KATNAL1: variants seen among roughly 807,000 people sequenced by gnomAD.
KATNAL1 encodes the protein katanin catalytic subunit A1 like 1.
A neutral mutation model predicts 55.2 loss-of-function variants in KATNAL1; 32 were observed. The observed-to-expected ratio is 0.58, with a 90% CI of 0.44 to 0.78. The LOEUF (loss-of-function observed/expected upper bound fraction) is 0.78, where lower values mean the gene tolerates loss of function less well. KATNAL1 is among the 30% of genes least tolerant of loss of function. The pLI, the probability that KATNAL1 is intolerant of heterozygous loss-of-function variation, is 0.00. For missense variants in KATNAL1, 466 were observed against 600.9 expected, an observed-to-expected ratio of 0.78 and a Z score of 2.35; for synonymous variants, 193 against 193.6, an observed-to-expected ratio of 1.00 and a Z score of 0.02.
chr13:30,249,634 GAATA>G lies in KATNAL1; in HGVS notation c.492+5809_492+5812del, dbSNP rs146816870. The stretch of plus-strand genomic sequence containing the variant: ...TGAACAAAAAAAGCTGGACACAAAA[GAATA>G]CTTACTGTACATAAAGTTCCAAAAT... On this transcript the variant is annotated intron_variant, in intron 4 of 10. Coordinates refer to ENST00000380615, the MANE Select transcript of KATNAL1 (RefSeq NM_032116.5). Among the ~76,000 whole-genome samples, 650 of 152,138 alleles carry G rather than the reference GAATA, an allele frequency of 4.3e-3. 4 individuals carry two copies. The highest frequency in any genetic ancestry group is 0.015 in the African/African-American group (624 of 41,500).
At chr13:30,214,217 G>A (rs1472950368) in intron 9 of KATNAL1, among the ~76,000 whole-genome samples, 1 of 152,140 alleles carries the variant, frequency 6.6e-6, no homozygotes, top group Non-Finnish European at 1.5e-5. Flanking sequence ...ACTTACAAGG[G>A]ACATGAAGGA....
chr13:30,210,283 A>G lies in KATNAL1; in HGVS notation c.1274+33T>C, dbSNP rs56120845. 2.4e-3 allele frequency: 3,818 copies of G among 1,559,234 alleles called. 91 individuals carry two copies. The African/African-American group carries it at 0.047, about 19-fold the overall frequency. Reference sequence around the variant, plus strand: ...CAGTCCTCCTGCGAAGTCTATAACTAATGTCTAAAATCACAGATCATTAAA... The same window carrying G: ...CAGTCCTCCTGCGAAGTCTATAACTGATGTCTAAAATCACAGATCATTAAA... On this transcript the variant is annotated intron_variant, in intron 10 of 10. Transcript: ENST00000380615.
chr13:30,224,627 G>C (rs959715626), intron 9 of KATNAL1, among the ~76,000 whole-genome samples: 1 of 150,224 alleles, frequency 6.7e-6, no homozygotes, highest in Non-Finnish European at 1.5e-5. Flanking sequence ...AAAGTGTAAA[G>C]CAAAAAAAAA....
rs2137394899 is a variant in KATNAL1 at position 30,230,384 on chromosome 13, G to A, written c.1012+84C>T. On this transcript the variant is annotated intron_variant, in intron 8 of 10. Transcript: ENST00000380615. ...ATGAACAAATAATTAAACTCAGGCT[G>A]CCTTCTAATCCATCCATTGATTATG... 4.1e-6 allele frequency: 5 copies of A among 1,211,588 alleles called. No homozygotes were observed. In the South Asian group the frequency reaches 5.0e-5, roughly 12 times the overall value. 75.1% of individuals were successfully genotyped at this position (1,211,588 alleles called of 1,614,324 possible). A position where few individuals can be genotyped will look rare whatever the true frequency, so the allele number is the denominator to read the frequency against.
At position 30,227,423 on chromosome 13, in the gene KATNAL1, G is replaced by A; in HGVS notation, c.1136C>T (p.Pro379Leu). The change falls in exon 9 of 11, where the codon CCT becomes CTT. Residue 379 changes from proline to leucine, a missense_variant. Pro to Leu is a moderately conservative substitution (Grantham distance 98, BLOSUM62 -3). Around this residue, in one of 3 missense-constraint regions of KATNAL1, gnomAD observed 213 missense variants for 308.6 expected, o/e 0.69. Coordinates refer to ENST00000380615, the MANE Select transcript of KATNAL1 (RefSeq NM_032116.5). Reference protein sequence around the residue: ...RRRLEKRIYIPLPTAKGRAEL... With the variant: ...RRRLEKRIYILLPTAKGRAEL... ...AGAAGACATCATACCTGTTGGGAGA[G>A]GTATATATATCCTTTTTTCTAACCT... 6.2e-7 allele frequency: 1 copy of A among 1,613,642 alleles called. No individual in the cohort carries two copies. Among genetic ancestry groups the A allele is most frequent in the African/African-American group, 1.3e-5 (1 of 75,018 alleles).
At chr13:30,251,321 A>C (rs1390221760) in intron 4 of KATNAL1, among the ~76,000 whole-genome samples, 1 of 152,150 alleles carries the variant, frequency 6.6e-6, no homozygotes, top group Non-Finnish European at 1.5e-5. Flanking sequence ...AATAATAATA[A>C]ATCCGATTTT....
At chr13:30,222,708 GA>G (rs1830638311) in intron 9 of KATNAL1, among the ~76,000 whole-genome samples, 1 of 152,188 alleles carries the variant, frequency 6.6e-6, no homozygotes, top group African/African-American at 2.4e-5. Context: ...GGGGTACAGA[GA>G]AACAAACAGT....
At chr13:30,257,525 T>G (rs1262879158) in intron 3 of KATNAL1, among the ~76,000 whole-genome samples, 3 of 152,104 alleles carry the variant, frequency 2.0e-5, no homozygotes, top group Non-Finnish European at 2.9e-5. Flanking sequence ...CTGCTCAGGG[T>G]GCACTGCAGC....
At chr13:30,290,037 C>T (rs750039374) in intron 1 of KATNAL1, among the ~76,000 whole-genome samples, 4 of 152,112 alleles carry the variant, frequency 2.6e-5, no homozygotes, top group Non-Finnish European at 5.9e-5. Context: ...TATAAAAATG[C>T]AAAAATCATT....
At chr13:30,249,378 C>T (rs1166161098) in intron 4 of KATNAL1, among the ~76,000 whole-genome samples, 2 of 152,178 alleles carry the variant, frequency 1.3e-5, no homozygotes, top group East Asian at 3.8e-4. Flanking sequence ...TATCCTATGA[C>T]CCAGCAGTTC....
intron 9 of KATNAL1, among the ~76,000 whole-genome samples, chr13:30,217,419 A>G (rs908302017): frequency 2.0e-5 from 3 of 152,190 alleles, no homozygotes; most frequent in Admixed American, 6.5e-5. Flanking sequence ...GCGCCACTGC[A>G]CTCCAGCCTG....
chr13:30,266,428 A>C (rs1404945386), intron 3 of KATNAL1, among the ~76,000 whole-genome samples: 1 of 152,232 alleles, frequency 6.6e-6, no homozygotes, highest in Non-Finnish European at 1.5e-5. Flanking sequence ...TGCCTTACTT[A>C]GTAAAGCATA....
chr13:30,274,891 A>ACGCGCGCGCGCGTGCGCGCGCG (rs371121115), intron 3 of KATNAL1, among the ~76,000 whole-genome samples: 10 of 122,120 alleles, frequency 8.2e-5, no homozygotes, highest in Admixed American at 1.7e-4. Flanking sequence ...GCACACACAT[A>ACGCGCGCGCGCGTGCGCGCGCG]CGCGCGCGCG....
chr13:30,226,259 T>C (rs1254717979), intron 9 of KATNAL1, among the ~76,000 whole-genome samples: 2 of 152,178 alleles, frequency 1.3e-5, no homozygotes, highest in African/African-American at 4.8e-5. Context: ...CTATGACCCA[T>C]CTTTTCTTTT....
intron 9 of KATNAL1, among the ~76,000 whole-genome samples, chr13:30,226,870 G>A (rs1875529379): frequency 6.6e-6 from 1 of 152,144 alleles, no homozygotes; most frequent in Non-Finnish European, 1.5e-5. Context: ...GAAGCCAGGA[G>A]TTCAAGACCA....
chr13:30,227,298 A>T, intron 9 of KATNAL1, 114 bp downstream of exon 9: 1 of 957,520 alleles, frequency 1.0e-6, no homozygotes, highest in Non-Finnish European at 1.5e-6. Context: ...ACTACAAATT[A>T]ATTTTGTGAT....
chr13:30,274,944 C>CACAT (rs1428700083), intron 3 of KATNAL1, among the ~76,000 whole-genome samples: 1 of 150,344 alleles, frequency 6.7e-6, no homozygotes, highest in Non-Finnish European at 1.5e-5. Context: ...CACACACACA[C>CACAT]ACACACACAG....
chr13:30,219,499 C>T (rs1439739881), intron 9 of KATNAL1, among the ~76,000 whole-genome samples: 1 of 152,226 alleles, frequency 6.6e-6, no homozygotes, highest in African/African-American at 2.4e-5. Flanking sequence ...CACTGTTTTA[C>T]TGCAGTTAGG....
rs374076915 is a variant in KATNAL1 at position 30,261,242 on chromosome 13, C to T, written c.324-5627G>A. 4.8e-3 allele frequency among the ~76,000 whole-genome samples: 725 copies of T among 152,044 alleles called. 3 individuals are homozygous for T. The highest frequency in any genetic ancestry group is 0.025 in the South Asian group (121 of 4,798). The stretch of plus-strand genomic sequence containing the variant: ...AGCACTAAACATGGAAAGGAACAAC[C>T]GATACCAGCCGCTGCAAAATCATGC... On this transcript the variant is annotated intron_variant, in intron 3 of 10. Transcript: ENST00000380615.
Sources: allele counts gnomAD v4.1 joint callset (sites outside exome capture counted in the v4.1 genomes callset), GRCh38; gene constraint gnomAD v4.1.1; regional missense constraint gnomAD v4.1.1; transcripts MANE v1.5; gene names NCBI Gene and HGNC (gene_info 2026-07-23, HGNC 2026-07-21).